The following KIF13A variants were observed in gnomAD, a reference collection of about 807,000 sequenced individuals.
KIF13A encodes kinesin family member 13A, also known as kinesin-like protein KIF13A.
In KIF13A, 79 loss-of-function variants were observed where a neutral mutation model predicts 212.2. That is an observed-to-expected ratio of 0.37 (90% CI 0.31 to 0.45). KIF13A has a LOEUF of 0.45. Ranked by LOEUF, KIF13A falls within the 20% of genes least tolerant of loss-of-function variation. The pLI is 1.00. For missense variants in KIF13A, 1,901 were observed against 2,209.0 expected (o/e 0.86, Z 2.79); for synonymous variants, 789 against 808.6 (o/e 0.98, Z 0.41).
rs1769957476 is a variant in KIF13A at position 17,871,074 on chromosome 6, CAT to C, written c.220+2301_220+2302del. On this transcript the variant is annotated intron_variant, in intron 4 of 38. Coordinates refer to ENST00000259711, the MANE Select transcript of KIF13A (RefSeq NM_022113.6). The surrounding 1 kb of genome is among the most constrained non-coding windows in gnomAD (Gnocchi z 4.4). ...CAAAATCCATGTGCTCTCCTTGACACATGTCACTTCCTCTTGTCTGGATGCCT... is the reference window on the plus strand; with the variant it reads ...CAAAATCCATGTGCTCTCCTTGACACGTCACTTCCTCTTGTCTGGATGCCT... 2.6e-5 allele frequency among the ~76,000 whole-genome samples: 4 copies of C among 152,238 alleles called. No homozygotes were observed. Among genetic ancestry groups the C allele is most frequent in the African/African-American group, 4.8e-5 (2 of 41,462 alleles).
intron 2 of KIF13A, among the ~76,000 whole-genome samples, chr6:17,958,875 T>C (rs1051715463): frequency 7.7e-6 from 1 of 130,650 alleles, no homozygotes; most frequent in African/African-American, 2.9e-5. Context: ...TTTTTCTTTT[T>C]CTTTTTTTTT....
intron 2 of KIF13A, among the ~76,000 whole-genome samples, chr6:17,927,115 G>A (rs1180589049): frequency 6.7e-6 from 1 of 149,640 alleles, no homozygotes; most frequent in Non-Finnish European, 1.5e-5. Flanking sequence ...CTCCAGACTG[G>A]GCAACAGAGC....
At chr6:17,847,947 G>T (rs967151849) in intron 9 of KIF13A, among the ~76,000 whole-genome samples, 6 of 152,110 alleles carry the variant, frequency 3.9e-5, no homozygotes. Flanking sequence ...GAGTAGCTGG[G>T]ATTACAGGCG....
intron 3 of KIF13A, among the ~76,000 whole-genome samples, chr6:17,893,361 T>C (rs1167651740): frequency 1.3e-5 from 2 of 152,220 alleles, no homozygotes; most frequent in Non-Finnish European, 1.5e-5. Flanking sequence ...ACTCAATATA[T>C]CCCAAGTATT....
chr6:17,831,186 C>G lies in KIF13A; in HGVS notation c.1316G>C (p.Gly439Ala). The G allele has an allele frequency of 6.2e-7, 1 of 1,613,944 alleles. No individual in the cohort carries two copies. The highest frequency in any genetic ancestry group is 8.5e-7 in the Non-Finnish European group (1 of 1,179,840). The change falls in exon 13 of 39, where the codon GGT becomes GCT. Residue 439 changes from glycine (G) to alanine (A), a missense_variant. By Grantham distance (60) the Gly-to-Ala change is moderately conservative. Transcript: ENST00000259711. ...GCATTTGTCATCCCCCACCTTGATA[C>G]CGGACATCTCCAGGGAAATCCCCAT... is the stretch of plus-strand genomic sequence containing the variant. The part of the protein sequence containing the change: ...ESMGISLEMS[G>A]IKVGDDKCYL...
At chr6:17,851,395 T>A (rs2150400270) in intron 7 of KIF13A, among the ~76,000 whole-genome samples, 1 of 152,304 alleles carries the variant, frequency 6.6e-6, no homozygotes, top group Admixed American at 6.5e-5. Flanking sequence ...TTCATTCACA[T>A]CCTTTAGCAA....
chr6:17,817,776 AGGATATG>A (rs1212790135), intron 16 of KIF13A, among the ~76,000 whole-genome samples: 1 of 152,240 alleles, frequency 6.6e-6, no homozygotes. Flanking sequence ...ATATTGCTTA[AGGATATG>A]GTCTGGCAAT....
At chr6:17,955,194 A>G (rs1019841230) in intron 2 of KIF13A, among the ~76,000 whole-genome samples, 2 of 152,280 alleles carry the variant, frequency 1.3e-5, no homozygotes, top group African/African-American at 4.8e-5. Flanking sequence ...ATCTGGTCTA[A>G]TCTCCTTGAT....
At position 17,825,679 on chromosome 6, in the gene KIF13A, G is replaced by T; in HGVS notation, c.1786+89C>A. 8.1e-7 allele frequency: 1 copy of T among 1,237,268 alleles called. No homozygotes were observed. Among genetic ancestry groups the T allele is most frequent in the Non-Finnish European group, 1.1e-6 (1 of 880,528 alleles). 76.6% of individuals were successfully genotyped at this position (1,237,268 alleles called of 1,614,324 possible). ...TTATGTGTTTAAAATGTGGAATGCG[G>T]AATGACACCTGATGCATGCTTATCC... On this transcript the variant is annotated intron_variant, in intron 16 of 38. Coordinates refer to ENST00000259711, the MANE Select transcript of KIF13A (RefSeq NM_022113.6). This position sits in a 1 kb window ranked among gnomAD's most constrained non-coding sequence, Gnocchi z 4.5.
chr6:17,906,822 TG>T (rs1238671037), intron 2 of KIF13A, among the ~76,000 whole-genome samples: 2 of 152,060 alleles, frequency 1.3e-5, no homozygotes, highest in African/African-American at 4.8e-5. Flanking sequence ...TGAGAATACC[TG>T]GTAGGGCAAG....
At chr6:17,930,403 A>T (rs559070245) in intron 2 of KIF13A, among the ~76,000 whole-genome samples, 1 of 152,330 alleles carries the variant, frequency 6.6e-6, no homozygotes, top group East Asian at 1.9e-4. Flanking sequence ...GTGATAAATC[A>T]TTTTTTAAAA....
chr6:17,887,282 G>A (rs1035285119), intron 3 of KIF13A, among the ~76,000 whole-genome samples: 12 of 152,074 alleles, frequency 7.9e-5, no homozygotes, highest in South Asian at 4.2e-4. Flanking sequence ...AGGGAACCTC[G>A]GCTGACATGT....
In KIF13A at chr6:17,789,409, A is replaced by G. The variant is rs558641299; in HGVS notation, c.3261+463T>C. ...TAAAGTAAAATGGCATATTACAACA[A>G]TATTAGCTCTTGGATGTAAGGAGCA... On this transcript the variant is annotated intron_variant, in intron 26 of 38. Coordinates refer to ENST00000259711, the MANE Select transcript of KIF13A (RefSeq NM_022113.6). This position sits in a 1 kb window ranked among gnomAD's most constrained non-coding sequence, Gnocchi z 4.8. Among the ~76,000 whole-genome samples, 21 of 152,328 alleles carry G rather than the reference A, an allele frequency of 1.4e-4. 1 individual carries two copies. The South Asian group carries it at 3.7e-3, about 27-fold the overall frequency.
At position 17,777,670 on chromosome 6, in the gene KIF13A, C is replaced by T. The variant is rs1266751435; in HGVS notation, c.4093-316G>A. Among the ~76,000 whole-genome samples, 3 of 152,124 alleles carry T rather than the reference C, an allele frequency of 2.0e-5. No individual in the cohort carries two copies. The highest frequency in any genetic ancestry group is 2.4e-5 in the African/African-American group (1 of 41,436). ...AAGTGTTAGGATTACAGGCGTGAGC[C>T]ACCGCACCCGGCCATTACTTTATTT... On this transcript the variant is annotated intron_variant, in intron 33 of 38. Coordinates refer to ENST00000259711, the MANE Select transcript of KIF13A (RefSeq NM_022113.6). This position sits in a 1 kb window ranked among gnomAD's most constrained non-coding sequence, Gnocchi z 4.4.
chr6:17,893,129 G>A (rs1772220477), intron 3 of KIF13A, among the ~76,000 whole-genome samples: 1 of 152,202 alleles, frequency 6.6e-6, no homozygotes, highest in Non-Finnish European at 1.5e-5. Flanking sequence ...TGGAGAATTG[G>A]AGAATTTACT....
At chr6:17,925,398 T>C (rs1775417257) in intron 2 of KIF13A, among the ~76,000 whole-genome samples, 1 of 152,158 alleles carries the variant, frequency 6.6e-6, no homozygotes, top group Non-Finnish European at 1.5e-5. Context: ...AGGAATTTGG[T>C]TTCAAACATG....
chr6:17,878,651 C>T (rs534593760), intron 3 of KIF13A, among the ~76,000 whole-genome samples: 3 of 151,150 alleles, frequency 2.0e-5, no homozygotes, highest in African/African-American at 4.9e-5. Context: ...CATAGTAATG[C>T]TACTTAAAAT....
chr6:17,975,567 A>G (rs1050887825), intron 2 of KIF13A, among the ~76,000 whole-genome samples: 9 of 152,224 alleles, frequency 5.9e-5, no homozygotes, highest in African/African-American at 2.2e-4. Context: ...CTTCCAGTAC[A>G]GAACAAAACG....
intron 9 of KIF13A, among the ~76,000 whole-genome samples, chr6:17,840,817 T>G (rs1172104062): frequency 6.6e-6 from 1 of 152,208 alleles, no homozygotes; most frequent in Non-Finnish European, 1.5e-5. Flanking sequence ...TATGGATTAT[T>G]TTAAGCTAGA....
Sources: allele counts gnomAD v4.1 joint callset (sites outside exome capture counted in the v4.1 genomes callset), GRCh38; gene constraint gnomAD v4.1.1; non-coding constraint Gnocchi (gnomAD v3.1); transcripts MANE v1.5; gene names NCBI Gene and HGNC (gene_info 2026-07-23, HGNC 2026-07-21).